The following CSMD3 variants were observed in gnomAD, a reference collection of about 807,000 sequenced individuals.
CSMD3 encodes the protein CUB and Sushi multiple domains 3.
A neutral mutation model predicts 435.2 loss-of-function variants in CSMD3; 177 were observed. That is an observed-to-expected ratio of 0.41 (90% confidence interval 0.36 to 0.46). CSMD3 has a LOEUF of 0.46. Ranked by LOEUF, CSMD3 falls within the 20% of genes least tolerant of loss-of-function variation. The pLI, the probability that CSMD3 is intolerant of heterozygous loss-of-function variation, is 0.34. For missense variants in CSMD3, 4,265 were observed against 4,504.6 expected (o/e 0.95, Z 1.52); for synonymous variants, 1,656 against 1,520.5 (o/e 1.09, Z -2.07).
intron 32 of CSMD3, among the ~76,000 whole-genome samples, chr8:112,418,245 C>G (rs892582151): frequency 1.3e-5 from 2 of 151,998 alleles, no homozygotes; most frequent in Non-Finnish European, 2.9e-5. Flanking sequence ...GAATTTCTGA[C>G]TCGTATTTTC....
chr8:112,903,172 A>G (rs1218408546), intron 10 of CSMD3, among the ~76,000 whole-genome samples: 2 of 149,886 alleles, frequency 1.3e-5, no homozygotes, highest in South Asian at 2.1e-4. Flanking sequence ...AAAAAAAAAA[A>G]AAAGAAAAGA....
chr8:113,013,808 C>T (rs1183543536), intron 6 of CSMD3, among the ~76,000 whole-genome samples: 7 of 152,108 alleles, frequency 4.6e-5, no homozygotes, highest in African/African-American at 1.7e-4. Context: ...CATTCTAGAG[C>T]CCCTTCAGTC....
intron 10 of CSMD3, among the ~76,000 whole-genome samples, chr8:112,860,348 C>T (rs949552186): frequency 2.0e-5 from 3 of 151,774 alleles, no homozygotes; most frequent in Non-Finnish European, 4.4e-5. Flanking sequence ...TTTTAATTAT[C>T]TTGTGAGTGT....
At chr8:112,711,652 T>A (rs1471030301) in intron 13 of CSMD3, among the ~76,000 whole-genome samples, 1 of 152,172 alleles carries the variant, frequency 6.6e-6, no homozygotes, top group African/African-American at 2.4e-5. Flanking sequence ...AAAATAGTAT[T>A]CTGGATTTGT....
chr8:112,265,256 T>C (rs1816828364), intron 60 of CSMD3, among the ~76,000 whole-genome samples, 155 bp downstream of exon 60: 1 of 151,882 alleles, frequency 6.6e-6, no homozygotes, highest in African/African-American at 2.4e-5. Flanking sequence ...TATATTAAAA[T>C]AAAATTTTTA....
At chr8:113,296,982 G>A (rs1020463921) in intron 2 of CSMD3, among the ~76,000 whole-genome samples, 1 of 151,986 alleles carries the variant, frequency 6.6e-6, no homozygotes, top group South Asian at 2.1e-4. Flanking sequence ...GCAGATACAG[G>A]GTCATGCTAC....
intron 2 of CSMD3, among the ~76,000 whole-genome samples, chr8:113,296,086 GA>G (rs1441991345): frequency 1.3e-5 from 2 of 151,678 alleles, no homozygotes; most frequent in African/African-American, 4.8e-5. Flanking sequence ...TCATAGGTGG[GA>G]AGTGAACAAT....
At chr8:112,632,815 T>A (rs906731976) in intron 22 of CSMD3, among the ~76,000 whole-genome samples, 1 of 151,924 alleles carries the variant, frequency 6.6e-6, no homozygotes, top group Non-Finnish European at 1.5e-5. Context: ...TTAATTTTTT[T>A]ATTTATTTAT....
chr8:113,310,932 TTAAA>T (rs1203951761), intron 2 of CSMD3: 2 of 152,062 alleles, frequency 1.3e-5, no homozygotes, highest in East Asian at 3.9e-4. Flanking sequence ...CATAAAATGA[TTAAA>T]TATACTTAAC....
At chr8:112,680,157 C>T (rs531007565) in intron 16 of CSMD3, among the ~76,000 whole-genome samples, 1 of 152,142 alleles carries the variant, frequency 6.6e-6, no homozygotes, top group Admixed American at 6.5e-5. Flanking sequence ...GAGTTCAAGA[C>T]CAGCCTGGCC....
intron 30 of CSMD3, among the ~76,000 whole-genome samples, chr8:112,503,099 T>G (rs12545399): frequency 6.6e-6 from 1 of 152,208 alleles, no homozygotes; most frequent in Non-Finnish European, 1.5e-5. Flanking sequence ...GTAGACATTT[T>G]CTTAGAGACA....
intron 32 of CSMD3, among the ~76,000 whole-genome samples, chr8:112,436,580 G>GTA (rs1333119550): frequency 6.6e-6 from 1 of 151,494 alleles, no homozygotes; most frequent in Non-Finnish European, 1.5e-5. Context: ...AGATTTTTAT[G>GTA]TATATATATG....
chr8:113,297,293 T>G (rs2132561888), intron 2 of CSMD3, among the ~76,000 whole-genome samples: 1 of 150,066 alleles, frequency 6.7e-6, no homozygotes, highest in East Asian at 1.9e-4. Context: ...GTAAACATAC[T>G]AGAATCTGGT....
At chr8:112,238,202 T>A (rs114916928) in intron 66 of CSMD3, among the ~76,000 whole-genome samples, 1,683 of 115,068 alleles carry the variant, frequency 0.015, 39 homozygotes, top group African/African-American at 0.059. Context: ...TCCCTAGAAA[T>A]CAGCTATTCA....
chr8:112,556,773 A>G lies in CSMD3; in HGVS notation c.4224T>C (p.Pro1408=). ...GERRAWDYPL[P]SCIAECGGRF... ...ATGACAGTATCCTACCAATACAGGA[A>G]GGCAGAGGATAGTCCCATGCCCTTC... Residue 1408 remains proline (P), a synonymous_variant, in exon 25 of 71, where the codon CCT becomes CCC. Transcript: ENST00000297405. 1 of 1,605,702 alleles carries G rather than the reference A, an allele frequency of 6.2e-7. No individual in the cohort carries two copies. The highest frequency in any genetic ancestry group is 8.5e-7 in the Non-Finnish European group (1 of 1,172,786).
At chr8:113,401,893 A>G (rs1482722193) in intron 1 of CSMD3, among the ~76,000 whole-genome samples, 1 of 151,620 alleles carries the variant, frequency 6.6e-6, no homozygotes, top group Non-Finnish European at 1.5e-5. Context: ...GCCTAGAAAC[A>G]GTAGGCTACA....
At chr8:113,429,612 T>C (rs192989575) in intron 1 of CSMD3, among the ~76,000 whole-genome samples, 2 of 152,252 alleles carry the variant, frequency 1.3e-5, no homozygotes, top group East Asian at 3.9e-4. Flanking sequence ...TAAGTAATTA[T>C]CATTTTTAAA....
At chr8:112,815,694 A>G in intron 12 of CSMD3, among the ~76,000 whole-genome samples, 1 of 152,302 alleles carries the variant, frequency 6.6e-6, no homozygotes. Flanking sequence ...TGTATTCAAA[A>G]ACAAATACAT....
chr8:112,932,213 A>G (rs1428414622), intron 9 of CSMD3, among the ~76,000 whole-genome samples: 2 of 152,204 alleles, frequency 1.3e-5, no homozygotes, highest in East Asian at 3.8e-4. Context: ...CAGCAGATGA[A>G]TGGACAAATG....
Sources: allele counts gnomAD v4.1 joint callset (sites outside exome capture counted in the v4.1 genomes callset), GRCh38; gene constraint gnomAD v4.1.1; transcripts MANE v1.5; gene names NCBI Gene and HGNC (gene_info 2026-07-23, HGNC 2026-07-21).